Variants in MACROD2 observed in about 807,000 individuals in gnomAD.
MACROD2 encodes the protein ADP-ribose glycohydrolase MACROD2.
In MACROD2, 36 loss-of-function variants were observed where a neutral mutation model predicts 70.4. The observed-to-expected ratio is 0.51, with a 90% CI of 0.39 to 0.68. MACROD2 has a LOEUF of 0.68. Ranked by LOEUF, MACROD2 falls within the 30% of genes least tolerant of loss-of-function variation. MACROD2 has a pLI of 0.00. For synonymous variants in MACROD2, 172 were observed against 178.8 expected (o/e 0.96, Z 0.30); for missense variants, 496 against 538.4 (o/e 0.92, Z 0.78).
intron 4 of MACROD2, among the ~76,000 whole-genome samples, chr20:14,515,358 T>C (rs2123159048): frequency 6.6e-6 from 1 of 152,118 alleles, no homozygotes; most frequent in Middle Eastern, 3.4e-3. Context: ...AAGAGATATC[T>C]GCACTCCCAT....
At chr20:14,044,425 G>A (rs6042497) in intron 2 of MACROD2, among the ~76,000 whole-genome samples, 1,826 of 152,248 alleles carry the variant, frequency 0.012, 32 homozygotes, top group African/African-American at 0.04. Flanking sequence ...GGACCTGAGC[G>A]GGTTGCCACT....
chr20:15,856,268 C>T (rs1199438767), intron 8 of MACROD2, among the ~76,000 whole-genome samples: 1 of 152,156 alleles, frequency 6.6e-6, no homozygotes, highest in Non-Finnish European at 1.5e-5. Context: ...TAGAGGGCAT[C>T]ATTGTTGCTA....
chr20:14,486,519 A>T (rs1969697), intron 3 of MACROD2, among the ~76,000 whole-genome samples: 125,636 of 129,620 alleles, frequency 0.97, 61,069 homozygotes, highest in East Asian at 1. Context: ...CCAACTTTTT[A>T]TTTTATTTTT....
chr20:14,906,763 C>T (rs1298091028), intron 5 of MACROD2, among the ~76,000 whole-genome samples: 5 of 152,102 alleles, frequency 3.3e-5, no homozygotes, highest in Non-Finnish European at 2.9e-5. Context: ...TTATTTCTTT[C>T]GTAAGTCTTC....
Position 13,995,792 on chromosome 20 carries a change from T to G in MACROD2, c.29T>G (p.Val10Gly), listed in dbSNP as rs769803489. ...TACCCCAGCAACAAGAAGAAAAAGG[T>G]GTGGAGAGAGGAGAAAGGTAACCGG... MYPSNKKKKVWREEKERLLK... is the reference protein window; with the variant it reads MYPSNKKKKGWREEKERLLK... Residue 10 changes from valine (V) to glycine (G), a missense_variant, in exon 1 of 18, where the codon GTG becomes GGG. By Grantham distance (109) the Val-to-Gly change is moderately radical. Transcript: ENST00000684519. This position sits in a 1 kb window ranked among gnomAD's most constrained non-coding sequence, Gnocchi z 4.3. 6.6e-7 allele frequency: 1 copy of G among 1,522,028 alleles called. No homozygotes were observed. Among genetic ancestry groups the G allele is most frequent in the Non-Finnish European group, 8.9e-7 (1 of 1,125,620 alleles). 94.3% of individuals were successfully genotyped at this position (1,522,028 alleles called of 1,614,324 possible).
At chr20:15,437,321 A>G (rs2046439887) in intron 7 of MACROD2, among the ~76,000 whole-genome samples, 1 of 152,098 alleles carries the variant, frequency 6.6e-6, no homozygotes, top group African/African-American at 2.4e-5. Context: ...GATCTGATGA[A>G]TATAAGAACT....
At chr20:14,032,823 G>A (rs1390727137) in intron 2 of MACROD2, among the ~76,000 whole-genome samples, 1 of 152,138 alleles carries the variant, frequency 6.6e-6, no homozygotes, top group Non-Finnish European at 1.5e-5. Context: ...AGTGGGATTA[G>A]TGGTGGTACA....
At chr20:14,645,364 A>G (rs960530347) in intron 4 of MACROD2, among the ~76,000 whole-genome samples, 3 of 152,190 alleles carry the variant, frequency 2.0e-5, no homozygotes, top group South Asian at 2.1e-4. Flanking sequence ...TTTAGCACCC[A>G]TAGACTTTCA....
At chr20:14,304,989 A>G (rs762072487) in intron 3 of MACROD2, among the ~76,000 whole-genome samples, 1 of 152,172 alleles carries the variant, frequency 6.6e-6, no homozygotes, top group African/African-American at 2.4e-5. Context: ...ATTAGAATCA[A>G]TGGGGACTTT....
chr20:15,536,553 G>T (rs1390920909), intron 8 of MACROD2, among the ~76,000 whole-genome samples: 2 of 152,130 alleles, frequency 1.3e-5, no homozygotes, highest in Non-Finnish European at 2.9e-5. Context: ...TTGCAGAATA[G>T]GATGTTATAA....
At chr20:15,220,767 A>G (rs2076853032) in intron 5 of MACROD2, among the ~76,000 whole-genome samples, 1 of 149,826 alleles carries the variant, frequency 6.7e-6, no homozygotes, top group Non-Finnish European at 1.5e-5. Context: ...TTTCAGAGAA[A>G]AAAATGGGGG....
chr20:14,733,549 G>C (rs913995059), intron 5 of MACROD2, among the ~76,000 whole-genome samples: 6 of 152,146 alleles, frequency 3.9e-5, no homozygotes, highest in African/African-American at 1.4e-4. Context: ...TCAGTACATG[G>C]AGAAGAATTA....
intron 4 of MACROD2, among the ~76,000 whole-genome samples, chr20:14,543,264 G>T (rs1248860108): frequency 3.3e-5 from 5 of 152,102 alleles, no homozygotes; most frequent in Non-Finnish European, 5.9e-5. Context: ...ACAAAGTGAT[G>T]ATTCAAATCC....
chr20:14,065,932 T>C (rs948495128), intron 2 of MACROD2, among the ~76,000 whole-genome samples: 6 of 152,142 alleles, frequency 3.9e-5, no homozygotes, highest in Non-Finnish European at 8.8e-5. Context: ...AAAGGAATAT[T>C]GGACTGCCAT....
intron 8 of MACROD2, among the ~76,000 whole-genome samples, chr20:15,845,691 C>T (rs191767084): frequency 6.6e-6 from 1 of 152,032 alleles, no homozygotes; most frequent in Non-Finnish European, 1.5e-5. Context: ...TGCATGCAGA[C>T]CAAATTAAGC....
intron 8 of MACROD2, among the ~76,000 whole-genome samples, chr20:15,560,800 A>G (rs949639391): frequency 3.4e-5 from 5 of 148,772 alleles, no homozygotes; most frequent in Non-Finnish European, 5.9e-5. Context: ...AAGACTGATC[A>G]TAGTCTTTCT....
At chr20:15,769,988 G>A (rs974787006) in intron 8 of MACROD2, among the ~76,000 whole-genome samples, 13 of 151,212 alleles carry the variant, frequency 8.6e-5, no homozygotes, top group South Asian at 4.2e-4. Flanking sequence ...GTGTGAGTGC[G>A]CCCCCCCACA....
intron 3 of MACROD2, among the ~76,000 whole-genome samples, chr20:14,371,497 A>G (rs891943002): frequency 6.6e-6 from 1 of 151,946 alleles, no homozygotes; most frequent in Non-Finnish European, 1.5e-5. Flanking sequence ...CTCTAACAAC[A>G]AAAAAAAGAA....
rs150420656 is a variant in MACROD2 at position 14,433,274 on chromosome 20, C to A, written c.272-60205C>A. On this transcript the variant is annotated intron_variant, in intron 3 of 17. Coordinates refer to ENST00000684519, the MANE Select transcript of MACROD2 (RefSeq NM_001351661.2). ...GACGTAAAACACATTCATAACAAAG[C>A]CCCAGGTGACTGAAACATAACCTGT... Among the ~76,000 whole-genome samples, 518 of 152,164 alleles carry A rather than the reference C, an allele frequency of 3.4e-3. 1 individual carries two copies. The highest frequency in any genetic ancestry group is 0.01 in the Middle Eastern group (3 of 294).
Sources: allele counts gnomAD v4.1 joint callset (sites outside exome capture counted in the v4.1 genomes callset), GRCh38; gene constraint gnomAD v4.1.1; non-coding constraint Gnocchi (gnomAD v3.1); transcripts MANE v1.5; gene names NCBI Gene and HGNC (gene_info 2026-07-23, HGNC 2026-07-21).